The following GCFC2 variants were observed in gnomAD, a reference collection of about 807,000 sequenced individuals.
GCFC2 encodes the protein intron Large complex component GCFC2.
In GCFC2, 102 loss-of-function variants were observed where a neutral mutation model predicts 99.4. The ratio of observed to expected loss-of-function variants is 1.03; its 90% CI spans 0.87 to 1.21. The LOEUF is 1.21. GCFC2 is among the 50% of genes most tolerant of loss of function. The probability of loss-of-function intolerance (pLI) is 0.00; values close to 1 mark genes in which losing one functional copy is unlikely to be tolerated. For missense variants in GCFC2, 973 were observed against 920.9 expected (o/e 1.06, Z -0.73); for synonymous variants, 338 against 316.8 (o/e 1.07, Z -0.71).
At chr2:75,683,158 T>A (rs1028419572) in intron 11 of GCFC2, among the ~76,000 whole-genome samples, 1 of 151,636 alleles carries the variant, frequency 6.6e-6, no homozygotes, top group African/African-American at 2.4e-5. Flanking sequence ...TCACCAAGGT[T>A]GAAATGAAGG....
chr2:75,697,253 G>A (rs1226174361), intron 4 of GCFC2, among the ~76,000 whole-genome samples: 1 of 152,182 alleles, frequency 6.6e-6, no homozygotes, highest in Non-Finnish European at 1.5e-5. Flanking sequence ...AAAGACACAT[G>A]AAGAAAACTG....
chr2:75,673,360 T>C (rs1221142520), intron 13 of GCFC2, 84 bp downstream of exon 13: 6 of 712,988 alleles, frequency 8.4e-6, no homozygotes, highest in Non-Finnish European at 1.5e-5. Context: ...TAAAACACTG[T>C]AGTTTCTTTT....
chr2:75,690,512 A>G, intron 8 of GCFC2, 126 bp downstream of exon 8: 1 of 645,812 alleles, frequency 1.5e-6, no homozygotes, highest in Non-Finnish European at 2.7e-6. Flanking sequence ...TTGCTTTTCT[A>G]TTATTCTTAC....
intron 3 of GCFC2, 90 bp downstream of exon 3, chr2:75,702,109 G>A (rs1192323136): frequency 1.4e-5 from 21 of 1,517,908 alleles, no homozygotes; most frequent in Admixed American, 1.9e-5. Flanking sequence ...TATAAAATGT[G>A]AGCCAGCATA....
intron 12 of GCFC2, among the ~76,000 whole-genome samples, chr2:75,673,812 T>A (rs915970956): frequency 2.0e-5 from 3 of 152,226 alleles, no homozygotes; most frequent in Non-Finnish European, 4.4e-5. Flanking sequence ...AAAATTCTTG[T>A]ACATGTCATT....
At chr2:75,686,593 AAT>A (rs1355670216) in intron 11 of GCFC2, among the ~76,000 whole-genome samples, 4 of 152,114 alleles carry the variant, frequency 2.6e-5, no homozygotes, top group African/African-American at 7.2e-5. Context: ...ATCTTTTAAA[AAT>A]TAGCTGGGTA....
At chr2:75,696,507 T>C (rs1680331852) in intron 4 of GCFC2, among the ~76,000 whole-genome samples, 192 bp from the exon 5 acceptor site, 1 of 152,188 alleles carries the variant, frequency 6.6e-6, no homozygotes, top group Admixed American at 6.5e-5. Context: ...AATTCATATT[T>C]AAGAAGCAAA....
intron 2 of GCFC2, among the ~76,000 whole-genome samples, chr2:75,704,890 G>A (rs977783504): frequency 1.3e-5 from 2 of 152,164 alleles, no homozygotes; most frequent in Non-Finnish European, 1.5e-5. Context: ...TGGCCAGGTT[G>A]GTCTCAAACT....
rs749553389 is a variant in GCFC2 at position 75,694,277 on chromosome 2, A to C, written c.984T>G (p.Ile328Met). ...LNCKFYKSMK[I>M]YVENLIDCLN... ...GGCAGTCAATTAAATTTTCCACATA[A>C]ATTTTCATGCTTTTATAGAATTTAC... is the stretch of plus-strand genomic sequence containing the variant. Residue 328 changes from isoleucine to methionine, a missense_variant, in exon 6 of 17, where the codon ATT (isoleucine) becomes ATG (methionine). By Grantham distance (10) the Ile-to-Met change is conservative. Transcript: ENST00000321027. 1.7e-5 allele frequency: 19 copies of C among 1,129,260 alleles called. No homozygotes were observed. Among genetic ancestry groups the C allele is most frequent in the Non-Finnish European group, 2.5e-5 (19 of 766,742 alleles). The allele number at this position is 1,129,260 out of a possible 1,614,324, so 70.0% of individuals were successfully genotyped here.
In GCFC2 at chr2:75,693,993, T is replaced by C. The variant is rs73936802; in HGVS notation, c.1020+248A>G. Among the ~76,000 whole-genome samples, 231 of 152,154 alleles carry C rather than the reference T, an allele frequency of 1.5e-3. 2 individuals are homozygous for C. The highest frequency in any genetic ancestry group is 2.7e-3 in the Non-Finnish European group (183 of 67,972). On this transcript the variant is annotated intron_variant, in intron 6 of 16. Transcript: ENST00000321027. Reference sequence around the variant, plus strand: ...TTTATTTGACTTCATTTTCAAGGAATTTTCCTTAAACAGAAGAAATTATAA... The same window carrying C: ...TTTATTTGACTTCATTTTCAAGGAACTTTCCTTAAACAGAAGAAATTATAA...
intron 14 of GCFC2, chr2:75,670,508 C>A (rs1019650543): frequency 1.3e-5 from 5 of 374,384 alleles, no homozygotes; most frequent in African/African-American, 1.0e-4. Context: ...ATCCCCAAAT[C>A]TATCTCAAAT....
chr2:75,701,940 CACATTTTTTTTA>C, intron 3 of GCFC2: 2 of 1,227,220 alleles, frequency 1.6e-6, no homozygotes, highest in Non-Finnish European at 2.0e-6. Flanking sequence ...TAAGATACTG[CACATTTTTTTTA>C]ACCTGTCCAA....
At chr2:75,673,761 T>G (rs908899769) in intron 12 of GCFC2, among the ~76,000 whole-genome samples, 18 of 152,186 alleles carry the variant, frequency 1.2e-4, no homozygotes, top group Non-Finnish European at 2.2e-4. Context: ...AACACTTAGG[T>G]GATTTCTGGT....
At chr2:75,700,753 T>C (rs777389135) in intron 4 of GCFC2, among the ~76,000 whole-genome samples, 6 of 152,158 alleles carry the variant, frequency 3.9e-5, no homozygotes, top group Admixed American at 6.5e-5. Flanking sequence ...TCCCAAAAGA[T>C]ACATCCATGA....
Position 75,690,680 on chromosome 2 carries a change from T to C in GCFC2, c.1184A>G (p.Asp395Gly). Reference sequence around the variant, plus strand: ...TTCTAAAATCCACTGAGTTTTTTCATCTACTGAGAAGTTTCCACTTGTGGA... The same window carrying C: ...TTCTAAAATCCACTGAGTTTTTTCACCTACTGAGAAGTTTCCACTTGTGGA... Reference protein sequence around the residue: ...ETSTSGNFSVDEKTQWILEEI... With the variant: ...ETSTSGNFSVGEKTQWILEEI... Residue 395 changes from aspartate (D) to glycine (G), a missense_variant, in exon 8 of 17, where the codon GAT becomes GGT. By Grantham distance (94) the Asp-to-Gly change is moderately conservative. Transcript: ENST00000321027. 1.3e-6 allele frequency: 2 copies of C among 1,569,550 alleles called. No individual in the cohort carries two copies. The highest frequency in any genetic ancestry group is 1.7e-6 in the Non-Finnish European group (2 of 1,142,996).
chr2:75,700,780 T>C (rs72818749), intron 4 of GCFC2, among the ~76,000 whole-genome samples: 15,126 of 152,178 alleles, frequency 0.099, 799 homozygotes, highest in Non-Finnish European at 0.13. Flanking sequence ...CCCTGGAAAG[T>C]GCAAACATGA....
At chr2:75,672,963 T>C (rs1268132597) in intron 13 of GCFC2, among the ~76,000 whole-genome samples, 3 of 152,186 alleles carry the variant, frequency 2.0e-5, no homozygotes, top group Non-Finnish European at 4.4e-5. Context: ...CTGAGAAATA[T>C]TTGTTGAAAT....
chr2:75,678,035 A>C (rs1252962519), intron 12 of GCFC2, among the ~76,000 whole-genome samples: 1 of 151,316 alleles, frequency 6.6e-6, no homozygotes, highest in Non-Finnish European at 1.5e-5. Context: ...GGCTTCAGTG[A>C]TCACAAAGAG....
intron 11 of GCFC2, among the ~76,000 whole-genome samples, chr2:75,682,219 C>A (rs1053240366): frequency 6.6e-6 from 1 of 151,800 alleles, no homozygotes; most frequent in Non-Finnish European, 1.5e-5. Flanking sequence ...TGGCGGATGA[C>A]CCTCTGAGAC....
Sources: allele counts gnomAD v4.1 joint callset (sites outside exome capture counted in the v4.1 genomes callset), GRCh38; gene constraint gnomAD v4.1.1; transcripts MANE v1.5; gene names NCBI Gene and HGNC (gene_info 2026-07-23, HGNC 2026-07-21).